Variants in MINDY2 observed in about 807,000 individuals in gnomAD.
MINDY2 encodes the protein ubiquitin carboxyl-terminal hydrolase MINDY-2.
Under a neutral mutation model 68.2 loss-of-function variants are expected in MINDY2, and 52 were observed. That is an observed-to-expected ratio of 0.76 (90% CI 0.61 to 0.96). The LOEUF (loss-of-function observed/expected upper bound fraction) is 0.96, where lower values mean the gene tolerates loss of function less well. Ranked by LOEUF, MINDY2 falls within the 40% of genes least tolerant of loss-of-function variation. The pLI, the probability that MINDY2 is intolerant of heterozygous loss-of-function variation, is 0.00. For missense variants in MINDY2, 881 were observed against 773.4 expected, an observed-to-expected ratio of 1.14 and a Z score of -1.65; for synonymous variants, 372 against 303.0, an observed-to-expected ratio of 1.23 and a Z score of -2.36.
At position 58,860,071 on chromosome 15, in the gene MINDY2, CTCTT is replaced by C. The variant is rs2033173241; in HGVS notation, c.*5463_*5466del. The C allele has an allele frequency of 6.6e-6, 1 of 152,160 alleles. No individual in the cohort carries two copies. The highest frequency in any genetic ancestry group is 1.9e-4 in the East Asian group (1 of 5,194). The allele number at this position is 152,160 out of a possible 1,614,324, so 9.4% of individuals were successfully genotyped here. On this transcript the variant is annotated 3_prime_UTR_variant, in exon 9 of 9. Transcript: ENST00000559228. ...GACTTCTTCTTCTGCCATTAAGTCT[CTCTT>C]TATCTGATATTCTAAGGATTTCTTC...
At chr15:58,838,313 G>A (rs1472137294) in intron 6 of MINDY2, among the ~76,000 whole-genome samples, 9 of 151,442 alleles carry the variant, frequency 5.9e-5, no homozygotes, top group African/African-American at 1.9e-4. Flanking sequence ...CAGGAGAATC[G>A]CTTGAATCCA....
At chr15:58,852,812 G>A (rs1032291090) in intron 8 of MINDY2, among the ~76,000 whole-genome samples, 4 of 151,268 alleles carry the variant, frequency 2.6e-5, no homozygotes, top group African/African-American at 9.7e-5. Flanking sequence ...TAGTTAAACG[G>A]TTTAAAGCAC....
intron 3 of MINDY2, among the ~76,000 whole-genome samples, chr15:58,807,294 T>G (rs1903083856): frequency 6.6e-6 from 1 of 152,028 alleles, no homozygotes; most frequent in South Asian, 2.1e-4. Flanking sequence ...AAATGTATTC[T>G]CTATACATAT....
At chr15:58,847,071 T>C (rs2032573113) in intron 6 of MINDY2, among the ~76,000 whole-genome samples, 1 of 152,202 alleles carries the variant, frequency 6.6e-6, no homozygotes, top group South Asian at 2.1e-4. Flanking sequence ...CCAAGAGCTC[T>C]TATTTCTTGT....
At chr15:58,838,083 A>T (rs1405242925) in intron 6 of MINDY2, among the ~76,000 whole-genome samples, 1 of 151,736 alleles carries the variant, frequency 6.6e-6, no homozygotes, top group African/African-American at 2.4e-5. Flanking sequence ...AATACATTTC[A>T]TCCCACAGAA....
rs545717982 is a variant in MINDY2 at position 58,786,030 on chromosome 15, C to A, written c.841-1876C>A. Among the ~76,000 whole-genome samples the A allele has an allele frequency of 1.4e-3, 215 of 152,276 alleles. 1 individual carries two copies. Among genetic ancestry groups the A allele is most frequent in the Non-Finnish European group, 2.5e-3 (173 of 68,028 alleles). ...AATTTAGAATGAAATGATGATCAAA[C>A]TTCAAAGACATCTCTTGGTTTTTAC... On this transcript the variant is annotated intron_variant, in intron 1 of 8. Coordinates refer to ENST00000559228, the MANE Select transcript of MINDY2 (RefSeq NM_001040450.3).
At chr15:58,791,622 A>ATGTGTGTGTGTGTGTG (rs368688031) in intron 2 of MINDY2, among the ~76,000 whole-genome samples, 23 of 136,740 alleles carry the variant, frequency 1.7e-4, no homozygotes, top group African/African-American at 4.9e-4. Flanking sequence ...GTCTCAAAAT[A>ATGTGTGTGTGTGTGTG]TGTGTGTGTG....
chr15:58,795,440 C>G (rs188573462), intron 2 of MINDY2, among the ~76,000 whole-genome samples: 247 of 152,142 alleles, frequency 1.6e-3, no homozygotes, highest in African/African-American at 4.9e-3. Flanking sequence ...GAGTCTTGCT[C>G]TGTTGCCCAG....
chr15:58,799,187 G>C (rs1400026485), intron 2 of MINDY2, among the ~76,000 whole-genome samples: 1 of 152,218 alleles, frequency 6.6e-6, no homozygotes, highest in Non-Finnish European at 1.5e-5. Flanking sequence ...AGTCGTGCCA[G>C]AACAAATGTT....
intron 1 of MINDY2, among the ~76,000 whole-genome samples, chr15:58,786,964 G>A (rs537716254): frequency 6.2e-4 from 95 of 152,124 alleles, no homozygotes; most frequent in Admixed American, 1.4e-3. Flanking sequence ...CAAGTAGCTG[G>A]GATTATAAGC....
rs756086188 is a variant in MINDY2, at chr15:58,771,859, G to A, written c.464G>A (p.Gly155Asp). Residue 155 changes from glycine (G) to aspartate (D), a missense_variant, in exon 1 of 9, where the codon GGC (glycine) becomes GAC (aspartate). Transcript: ENST00000559228. The stretch of plus-strand genomic sequence containing the variant: ...GGCTCCGAAGAGCCCAGCAGCGCCG[G>A]CGGCCTCAGCAGCAGTTGCAGCGAC... ...AAGSEEPSSA[G>D]GLSSSCSDPS... 4.0e-5 allele frequency: 64 copies of A among 1,589,828 alleles called. No homozygotes were observed. The highest frequency in any genetic ancestry group is 5.0e-5 in the Non-Finnish European group (59 of 1,168,784).
At chr15:58,774,889 A>G (rs1165181952) in intron 1 of MINDY2, among the ~76,000 whole-genome samples, 7 of 152,232 alleles carry the variant, frequency 4.6e-5, no homozygotes, top group African/African-American at 1.7e-4. Flanking sequence ...ACTGTGAATG[A>G]GCAAGCATGC....
At chr15:58,789,073 C>G (rs187796655) in intron 2 of MINDY2, among the ~76,000 whole-genome samples, 244 of 152,240 alleles carry the variant, frequency 1.6e-3, no homozygotes, top group African/African-American at 5.4e-3. Context: ...CACGGTGGCT[C>G]ACGCCTGTAA....
At position 58,852,922 on chromosome 15, in the gene MINDY2, GTTTTTTTTTTTTTTTTTTTTTTTT is replaced by G. The variant is rs746154698; in HGVS notation, c.1737+982_1737+1005del. ...TATACCATGCCAGACTGCTGTTCCTGTTTTTTTTTTTTTTTTTTTTTTTTTTTTTTTTTTTTTTTTTTTTTTTTA... is the reference window on the plus strand; with the variant it reads ...TATACCATGCCAGACTGCTGTTCCTGTTTTTTTTTTTTTTTTTTTTTTTTA... On this transcript the variant is annotated intron_variant, in intron 8 of 8. Transcript: ENST00000559228. 1.3e-3 allele frequency among the ~76,000 whole-genome samples: 65 copies of G among 48,964 alleles called. 1 individual carries two copies. The highest frequency in any genetic ancestry group is 4.3e-3 in the African/African-American group (57 of 13,324). 32.1% of individuals were successfully genotyped at this position (48,964 alleles called of 152,430 possible).
rs1357408189 is a variant in MINDY2, at chr15:58,771,901, A to C, written c.506A>C (p.Glu169Ala). The C allele has an allele frequency of 1.9e-6, 3 of 1,562,386 alleles. No homozygotes were observed. Residue 169 changes from glutamate (E) to alanine (A), a missense_variant, in exon 1 of 9, where the codon GAA (glutamate) becomes GCA (alanine). By Grantham distance (107) the Glu-to-Ala change is moderately radical. Transcript: ENST00000559228. ...SSCSDPSPPG[E>A]SPSLDSLESF... ...TGCAGCGACCCGAGCCCTCCTGGGGAATCTCCGAGCCTGGACTCTCTGGAG... is the reference window on the plus strand; with the variant it reads ...TGCAGCGACCCGAGCCCTCCTGGGGCATCTCCGAGCCTGGACTCTCTGGAG...
intron 5 of MINDY2, among the ~76,000 whole-genome samples, chr15:58,827,478 A>G (rs1355121521): frequency 1.3e-5 from 2 of 152,076 alleles, no homozygotes; most frequent in Non-Finnish European, 2.9e-5. Context: ...CTTTTTATTC[A>G]GACAGAACGG....
rs1567083263 is a variant in MINDY2 at position 58,857,557 on chromosome 15, T to TAAA, written c.*2948_*2949insAAA. The stretch of plus-strand genomic sequence containing the variant: ...TCAAAAAAAAAAAAAAAAAAAAAAT[T>TAAA]AGAGCTATTGTGTCTTTATTTTCTT... On this transcript the variant is annotated 3_prime_UTR_variant, in exon 9 of 9. Transcript: ENST00000559228. 1 of 112,508 alleles carries TAAA rather than the reference T, an allele frequency of 8.9e-6. No homozygotes were observed. Among genetic ancestry groups the TAAA allele is most frequent in the African/African-American group, 3.2e-5 (1 of 31,674 alleles). 7.0% of individuals were successfully genotyped at this position (112,508 alleles called of 1,614,324 possible).
intron 6 of MINDY2, among the ~76,000 whole-genome samples, chr15:58,841,698 C>T (rs2032297005): frequency 1.3e-5 from 2 of 152,184 alleles, no homozygotes; most frequent in Non-Finnish European, 2.9e-5. Flanking sequence ...AGCCACCGCG[C>T]CCGGCTGATC....
At position 58,812,855 on chromosome 15, in the gene MINDY2, C is replaced by G. The variant is rs190324113; in HGVS notation, c.1122+2467C>G. On this transcript the variant is annotated intron_variant, in intron 4 of 8. Transcript: ENST00000559228. ...CCTGAGAGAAAGAGCGAGACCCTGT[C>G]TCAAAATAAATAGAGAAATAAGTAA... 6.8e-4 allele frequency among the ~76,000 whole-genome samples: 103 copies of G among 152,238 alleles called. 2 individuals are homozygous for G. The highest frequency in any genetic ancestry group is 2.2e-3 in the Admixed American group (34 of 15,258).
Sources: gnomAD v4.1 joint callset for allele counts (sites outside exome capture counted in the v4.1 genomes callset) on GRCh38, gnomAD v4.1.1 for gene constraint, MANE v1.5 for transcripts, NCBI Gene and HGNC (gene_info 2026-07-23, HGNC 2026-07-21) for gene names.